PCDH9: variants seen among roughly 807,000 people sequenced by gnomAD.
The protein encoded by PCDH9 is protocadherin 9, also known as protocadherin-9.
PCDH9 carries 24 observed loss-of-function variants against 70.6 expected under a neutral mutation model. The observed-to-expected ratio is 0.34, with a 90% CI of 0.25 to 0.48. The LOEUF is 0.48. Among genes scored for constraint, PCDH9 ranks in the 20% least tolerant of loss-of-function variants. PCDH9 has a pLI of 0.99. For missense variants in PCDH9, 1,281 were observed against 1,503.6 expected, an observed-to-expected ratio of 0.85 and a Z score of 2.45; for synonymous variants, 562 against 558.5, an observed-to-expected ratio of 1.01 and a Z score of -0.09.
chr13:67,229,193 T>C (rs1243645650), intron 1 of PCDH9, among the ~76,000 whole-genome samples: 1 of 152,180 alleles, frequency 6.6e-6, no homozygotes, highest in African/African-American at 2.4e-5. Flanking sequence ...ACAACAAGAC[T>C]TCAGATTTCT....
At chr13:66,609,774 T>A (rs2077267906) in intron 4 of PCDH9, among the ~76,000 whole-genome samples, 1 of 152,044 alleles carries the variant, frequency 6.6e-6, no homozygotes, top group Non-Finnish European at 1.5e-5. Flanking sequence ...CAGTCAAACA[T>A]TCATATATTC....
intron 2 of PCDH9, among the ~76,000 whole-genome samples, chr13:66,966,026 C>T (rs1009520808): frequency 2.0e-5 from 3 of 152,030 alleles, no homozygotes; most frequent in African/African-American, 7.2e-5. Context: ...TACTAATTTA[C>T]GATATACATG....
At chr13:66,943,999 T>G (rs764569121) in intron 2 of PCDH9, among the ~76,000 whole-genome samples, 37 of 151,704 alleles carry the variant, frequency 2.4e-4, no homozygotes, top group Non-Finnish European at 3.8e-4. Flanking sequence ...ATTTGAATAA[T>G]AATGTTTATA....
intron 3 of PCDH9, among the ~76,000 whole-genome samples, chr13:66,832,677 A>G (rs1333805940): frequency 6.6e-6 from 1 of 152,102 alleles, no homozygotes. Flanking sequence ...GGCTTTCCCA[A>G]ATATTCAATA....
intron 4 of PCDH9, among the ~76,000 whole-genome samples, chr13:66,444,233 T>A (rs1958028718): frequency 6.6e-6 from 1 of 152,178 alleles, no homozygotes; most frequent in Non-Finnish European, 1.5e-5. Context: ...CAACATATAC[T>A]GAGAGGATTA....
intron 2 of PCDH9, among the ~76,000 whole-genome samples, chr13:66,994,131 G>T (rs899376646): frequency 2.6e-5 from 4 of 152,154 alleles, no homozygotes; most frequent in Non-Finnish European, 5.9e-5. Context: ...GAGACTAAAA[G>T]TCTGGCACAG....
chr13:66,513,870 G>T (rs1428445856), intron 4 of PCDH9, among the ~76,000 whole-genome samples: 3 of 151,746 alleles, frequency 2.0e-5, no homozygotes, highest in Non-Finnish European at 4.4e-5. Flanking sequence ...TTTCAGACAT[G>T]TGTGGTTAAT....
chr13:66,386,764 G>A (rs1033750590), intron 4 of PCDH9, among the ~76,000 whole-genome samples: 1 of 152,036 alleles, frequency 6.6e-6, no homozygotes. Context: ...CATGGCAACA[G>A]CCTTTATTAT....
At chr13:66,622,959 C>T (rs1251746993) in intron 4 of PCDH9, among the ~76,000 whole-genome samples, 1 of 152,086 alleles carries the variant, frequency 6.6e-6, no homozygotes, top group Non-Finnish European at 1.5e-5. Flanking sequence ...CCGGGAGGAA[C>T]GAACAACTCC....
chr13:66,872,248 C>A (rs1281731196), intron 3 of PCDH9, among the ~76,000 whole-genome samples: 1 of 152,058 alleles, frequency 6.6e-6, no homozygotes, highest in Admixed American at 6.6e-5. Flanking sequence ...ATGTTATTGC[C>A]AGATTTGGAT....
chr13:66,840,546 C>A lies in PCDH9; in HGVS notation c.3138+62958G>T, dbSNP rs549720256. ...ACCCTTACTATATACAATCATGTAA[C>A]GAAGTTAAAGATAAAACATTCTCTA... On this transcript the variant is annotated intron_variant, in intron 3 of 4. Coordinates refer to ENST00000377865, the MANE Select transcript of PCDH9 (RefSeq NM_203487.3). 3.9e-5 allele frequency among the ~76,000 whole-genome samples: 6 copies of A among 152,178 alleles called. No individual in the cohort carries two copies. The East Asian group carries it at 1.2e-3, about 29-fold the overall frequency.
At chr13:66,585,022 T>C (rs917885359) in intron 4 of PCDH9, among the ~76,000 whole-genome samples, 1 of 151,808 alleles carries the variant, frequency 6.6e-6, no homozygotes, top group Non-Finnish European at 1.5e-5. Flanking sequence ...CAAAGGCATA[T>C]GATTGGGGGT....
At chr13:67,183,676 A>C (rs1049722927) in intron 2 of PCDH9, among the ~76,000 whole-genome samples, 3 of 152,164 alleles carry the variant, frequency 2.0e-5, no homozygotes, top group Non-Finnish European at 4.4e-5. Flanking sequence ...CAATGTTGAT[A>C]TTTTTTACTT....
At chr13:67,007,823 G>A (rs959409745) in intron 2 of PCDH9, among the ~76,000 whole-genome samples, 1 of 152,098 alleles carries the variant, frequency 6.6e-6, no homozygotes, top group Non-Finnish European at 1.5e-5. Context: ...TGTCTTTCCT[G>A]AATTTGAGAG....
At chr13:66,540,303 C>T (rs989821062) in intron 4 of PCDH9, among the ~76,000 whole-genome samples, 1 of 152,044 alleles carries the variant, frequency 6.6e-6, no homozygotes, top group African/African-American at 2.4e-5. Flanking sequence ...CGCTGAAAAG[C>T]AAATTGTAGG....
intron 4 of PCDH9, among the ~76,000 whole-genome samples, chr13:66,613,006 C>G (rs1275447334): frequency 6.6e-6 from 1 of 152,144 alleles, no homozygotes; most frequent in Non-Finnish European, 1.5e-5. Context: ...GAAATGGGGA[C>G]TCAAAATCTC....
At chr13:66,680,788 A>T (rs2078308576) in intron 3 of PCDH9, among the ~76,000 whole-genome samples, 1 of 152,028 alleles carries the variant, frequency 6.6e-6, no homozygotes, top group African/African-American at 2.4e-5. Context: ...AAGTCACCTG[A>T]TTCAAGGAAA....
intron 4 of PCDH9, among the ~76,000 whole-genome samples, chr13:66,402,935 A>G (rs1253096486): frequency 6.6e-6 from 1 of 152,210 alleles, no homozygotes; most frequent in Non-Finnish European, 1.5e-5. Context: ...CTAAAAACAT[A>G]CTACTACTAA....
chr13:66,307,579 T>C (rs954122622), intron 4 of PCDH9, among the ~76,000 whole-genome samples: 3 of 152,108 alleles, frequency 2.0e-5, no homozygotes, highest in African/African-American at 7.2e-5. Context: ...CAATTTGATA[T>C]GTAACATATC....
Sources: gnomAD v4.1 joint callset for allele counts (sites outside exome capture counted in the v4.1 genomes callset) on GRCh38, gnomAD v4.1.1 for gene constraint, MANE v1.5 for transcripts, NCBI Gene and HGNC (gene_info 2026-07-23, HGNC 2026-07-21) for gene names.